ZC3H12B: variants seen among roughly 807,000 people sequenced by gnomAD.
ZC3H12B encodes probable ribonuclease ZC3H12B.
In ZC3H12B, 7 loss-of-function variants were observed where a neutral mutation model predicts 43.9. The observed-to-expected ratio is 0.16, with a 90% CI of 0.09 to 0.30. The LOEUF is 0.30. Among genes scored for constraint, ZC3H12B ranks in the 10% least tolerant of loss-of-function variants. ZC3H12B has a pLI of 1.00. For missense variants in ZC3H12B, 475 were observed against 670.2 expected (o/e 0.71, Z 3.22); for synonymous variants, 222 against 241.7 (o/e 0.92, Z 0.76).
At chrX:65,320,057 C>T in the ZC3H12B span, among the ~76,000 whole-genome samples, 4 of 111,267 alleles carry the variant, frequency 3.6e-5, no homozygotes, top group African/African-American at 1.3e-4. Context: ...CCAGAGCAAT[C>T]AGGCAAGAGA....
chrX:65,203,469 C>A, the ZC3H12B span, among the ~76,000 whole-genome samples: 4 of 110,525 alleles, frequency 3.6e-5, no homozygotes, highest in Non-Finnish European at 5.7e-5. Context: ...GGACTGGGTC[C>A]TTTTCTTCAA....
At chrX:65,425,963 G>A (rs890539523) in intron 3 of ZC3H12B, among the ~76,000 whole-genome samples, 3 of 111,213 alleles carry the variant, frequency 2.7e-5, no homozygotes, top group African/African-American at 9.8e-5. Flanking sequence ...TCAGGATGAT[G>A]TTGACCTCAT....
chrX:65,274,759 A>G, the ZC3H12B span, among the ~76,000 whole-genome samples: 4 of 110,921 alleles, frequency 3.6e-5, no homozygotes, highest in Non-Finnish European at 7.6e-5. Flanking sequence ...ATCCTGTCCA[A>G]TGGCCATGTG....
At chrX:65,215,462 A>C in the ZC3H12B span, among the ~76,000 whole-genome samples, 1 of 110,695 alleles carries the variant, frequency 9.0e-6, no homozygotes, top group Non-Finnish European at 1.9e-5. Context: ...CTTTACTTCA[A>C]CTTCATGAAT....
In ZC3H12B at chrX:65,499,431, T is replaced by C. The variant is rs1163678030; in HGVS notation, c.983+198T>C. The C allele has an allele frequency of 7.5e-6, 3 of 399,247 alleles. No individual in the cohort carries two copies. In the Admixed American group the frequency reaches 1.4e-4, roughly 18 times the overall value. 32.9% of individuals were successfully genotyped at this position (399,247 alleles called of 1,213,427 possible). On this transcript the variant is annotated intron_variant, in intron 3 of 4. Coordinates refer to ENST00000338957, the Ensembl canonical transcript of ZC3H12B. Reference sequence around the variant, plus strand: ...GAGCGAAAGAGACAACCACAATGTTTTGTTATAAGAGCTACAGTTAAAATT... The same window carrying C: ...GAGCGAAAGAGACAACCACAATGTTCTGTTATAAGAGCTACAGTTAAAATT...
At chrX:65,093,163 G>A in the ZC3H12B span, among the ~76,000 whole-genome samples, 4 of 111,502 alleles carry the variant, frequency 3.6e-5, no homozygotes, top group South Asian at 1.1e-3. Flanking sequence ...TTAAACCTGT[G>A]GGTGCACAGA....
At chrX:65,310,165 G>T in the ZC3H12B span, among the ~76,000 whole-genome samples, 6 of 111,779 alleles carry the variant, frequency 5.4e-5, no homozygotes, top group Admixed American at 9.5e-5. Flanking sequence ...TCAGGCAAGA[G>T]AAAGAAATAA....
At chrX:65,052,001 G>C in the ZC3H12B span, among the ~76,000 whole-genome samples, 1 of 110,656 alleles carries the variant, frequency 9.0e-6, no homozygotes. Context: ...TAATAGTGAT[G>C]TTATCTATAG....
the ZC3H12B span, among the ~76,000 whole-genome samples, chrX:65,109,774 A>T: frequency 9.0e-6 from 1 of 111,628 alleles, no homozygotes. Context: ...AAACTGTTAG[A>T]CTGTTTTGCA....
the ZC3H12B span, among the ~76,000 whole-genome samples, chrX:65,333,550 C>T: frequency 8.9e-6 from 1 of 111,905 alleles, no homozygotes; most frequent in Admixed American, 9.5e-5. Context: ...AGCAAAAAGC[C>T]AAAAAGATTA....
chrX:65,168,468 G>T, the ZC3H12B span, among the ~76,000 whole-genome samples: 3 of 110,311 alleles, frequency 2.7e-5, no homozygotes, highest in Admixed American at 1.9e-4. Context: ...TTGCATCTAT[G>T]TTCATTAGGG....
At chrX:65,236,574 TG>T in the ZC3H12B span, among the ~76,000 whole-genome samples, 1 of 112,074 alleles carries the variant, frequency 8.9e-6, no homozygotes, top group East Asian at 2.8e-4. Context: ...TGTCAATTTT[TG>T]CTTTTATTGC....
the ZC3H12B span, among the ~76,000 whole-genome samples, chrX:65,090,489 T>C: frequency 8.9e-6 from 1 of 112,306 alleles, no homozygotes; most frequent in Non-Finnish European, 1.9e-5. Context: ...TAATCTGCTG[T>C]TTATCTAGGT....
the ZC3H12B span, among the ~76,000 whole-genome samples, chrX:65,136,572 A>T: frequency 2.3e-4 from 26 of 111,179 alleles, no homozygotes; most frequent in Admixed American, 1.3e-3. Context: ...TTGTCCTGCT[A>T]GACTGCCCCT....
At chrX:65,341,828 A>G in the ZC3H12B span, among the ~76,000 whole-genome samples, 24 of 111,539 alleles carry the variant, frequency 2.2e-4, no homozygotes, top group African/African-American at 7.8e-4. Flanking sequence ...ATAACCAATG[A>G]ACATCATGAT....
the ZC3H12B span, among the ~76,000 whole-genome samples, chrX:65,132,059 G>T: frequency 4.5e-5 from 5 of 111,798 alleles, no homozygotes; most frequent in African/African-American, 1.6e-4. Context: ...ACTGATGGGT[G>T]TCAGGGTCAG....
At chrX:65,301,644 G>A in the ZC3H12B span, among the ~76,000 whole-genome samples, 6 of 111,208 alleles carry the variant, frequency 5.4e-5, no homozygotes, top group African/African-American at 2.0e-4. Context: ...CTCATAAGTG[G>A]GAGCTAAGCT....
the ZC3H12B span, among the ~76,000 whole-genome samples, chrX:65,281,841 A>G: frequency 8.9e-6 from 1 of 112,035 alleles, no homozygotes; most frequent in South Asian, 3.7e-4. Context: ...ATAAATGGAA[A>G]AGTTTCTGCA....
At chrX:65,047,634 A>G in the ZC3H12B span, among the ~76,000 whole-genome samples, 5 of 111,130 alleles carry the variant, frequency 4.5e-5, no homozygotes, top group East Asian at 1.4e-3. Flanking sequence ...CTTTCTTCCT[A>G]GTAATTTTCT....
Sources: gnomAD v4.1 joint callset for allele counts (sites outside exome capture counted in the v4.1 genomes callset) on GRCh38, gnomAD v4.1.1 for gene constraint, MANE v1.5 for transcripts, NCBI Gene and HGNC (gene_info 2026-07-23, HGNC 2026-07-21) for gene names.